The following DYNC1H1 variants were observed in gnomAD, a reference collection of about 807,000 sequenced individuals.
DYNC1H1 encodes the protein cytoplasmic dynein 1 heavy chain 1.
A neutral mutation model predicts 527.1 loss-of-function variants in DYNC1H1; 51 were observed. That is an observed-to-expected ratio of 0.10 (90% confidence interval 0.08 to 0.12). DYNC1H1 has a LOEUF of 0.12. Ranked by LOEUF, DYNC1H1 falls within the 10% of genes least tolerant of loss-of-function variation. The pLI, the probability that DYNC1H1 is intolerant of heterozygous loss-of-function variation, is 1.00. For missense variants in DYNC1H1, 2,771 were observed against 5,971.8 expected, an observed-to-expected ratio of 0.46 and a Z score of 17.66; for synonymous variants, 2,189 against 2,278.8, an observed-to-expected ratio of 0.96 and a Z score of 1.12.
At position 101,979,187 on chromosome 14, in the gene DYNC1H1, C is replaced by T. The variant is rs1219528212; in HGVS notation, c.345-132C>T. The T allele has an allele frequency of 1.1e-6, 1 of 884,574 alleles. No homozygotes were observed. The highest frequency in any genetic ancestry group is 1.7e-6 in the Non-Finnish European group (1 of 575,774). The allele number at this position is 884,574 out of a possible 1,614,324, so 54.8% of individuals were successfully genotyped here. On this transcript the variant is annotated intron_variant, in intron 2 of 77. Transcript: ENST00000360184. The surrounding 1 kb of genome is among the most constrained non-coding windows in gnomAD (Gnocchi z 4.6). ...ACCTTGATTCAGTAGCTCTCATGTA[C>T]TAAAGAAAGACAAGCAGTGCATTTC...
rs545896227 is a variant in DYNC1H1, at chr14:102,020,866, G to A, written c.8507+810G>A. On this transcript the variant is annotated intron_variant, in intron 42 of 77. Coordinates refer to ENST00000360184, the MANE Select transcript of DYNC1H1 (RefSeq NM_001376.5). This position sits in a 1 kb window ranked among gnomAD's most constrained non-coding sequence, Gnocchi z 4.3. Reference sequence around the variant, plus strand: ...ACAAGGAGTCTCAGAATACTGCCTAGTTGTAATCACTGGGTTTCCAACCCG... The same window carrying A: ...ACAAGGAGTCTCAGAATACTGCCTAATTGTAATCACTGGGTTTCCAACCCG... 1.1e-4 allele frequency among the ~76,000 whole-genome samples: 16 copies of A among 152,314 alleles called. No homozygotes were observed. Among genetic ancestry groups the A allele is most frequent in the South Asian group, 8.3e-4 (4 of 4,832 alleles).
At chr14:101,974,135 T>C (rs1244537681) in intron 1 of DYNC1H1, among the ~76,000 whole-genome samples, 1 of 152,196 alleles carries the variant, frequency 6.6e-6, no homozygotes, top group African/African-American at 2.4e-5. Context: ...GTTTCACTCT[T>C]GTTGCCCAGG....
intron 5 of DYNC1H1, among the ~76,000 whole-genome samples, chr14:101,982,422 T>G (rs1319014994): frequency 6.6e-6 from 1 of 151,942 alleles, no homozygotes; most frequent in Non-Finnish European, 1.5e-5. Context: ...TGAAACCCCG[T>G]GTTTGTAAAA....
rs1391698469 is a variant in DYNC1H1, at chr14:102,017,529, T to C, written c.8177+25T>C. 1 of 1,610,934 alleles carries C rather than the reference T, an allele frequency of 6.2e-7. No individual in the cohort carries two copies. The highest frequency in any genetic ancestry group is 1.7e-5 in the Admixed American group (1 of 59,702). On this transcript the variant is annotated intron_variant, in intron 40 of 77. Coordinates refer to ENST00000360184, the MANE Select transcript of DYNC1H1 (RefSeq NM_001376.5). The surrounding 1 kb of genome is among the most constrained non-coding windows in gnomAD (Gnocchi z 4.6). ...GGTAAAACAGCTCGGTAGACTGCTC[T>C]GCTTCACACACGCACAGCTCCAGGA...
At position 102,015,293 on chromosome 14, in the gene DYNC1H1, A is replaced by C. The variant is rs150888094; in HGVS notation, c.7203A>C (p.Lys2401Asn). 356 of 1,614,040 alleles carry C rather than the reference A, an allele frequency of 2.2e-4. 1 individual carries two copies. In the Middle Eastern group the frequency reaches 2.5e-3, roughly 11 times the overall value. Residue 2401 changes from lysine (K) to asparagine (N), a missense_variant, in exon 35 of 78, where the codon AAA (lysine) becomes AAC (asparagine). By Grantham distance (94) the Lys-to-Asn change is moderately conservative. Around this residue, in one of 32 missense-constraint regions of DYNC1H1, gnomAD observed 122 missense variants for 168.4 expected, o/e 0.72. Transcript: ENST00000360184. The surrounding 1 kb of genome is among the most constrained non-coding windows in gnomAD (Gnocchi z 6.9). ...AGGCACAGCGGCGGCGTAAGGGCAA[A>C]GAGGATGAGGGGGAGGAGGCCGCTT... ...EDEAQRRRKG[K>N]EDEGEEAASP...
At position 101,970,421 on chromosome 14, in the gene DYNC1H1, A is replaced by G. The variant is rs1266630885; in HGVS notation, c.257-5291A>G. Among the ~76,000 whole-genome samples, 3 of 144,642 alleles carry G rather than the reference A, an allele frequency of 2.1e-5. No individual in the cohort carries two copies. The East Asian group carries it at 6.1e-4, about 30-fold the overall frequency. 94.9% of individuals were successfully genotyped at this position (144,642 alleles called of 152,430 possible). A position where few individuals can be genotyped will look rare whatever the true frequency, so the allele number is the denominator to read the frequency against. The stretch of plus-strand genomic sequence containing the variant: ...AAAAGGGAGGCCGTGTATAATAGTG[A>G]TTGACCACCAGAATAATAATAATGT... On this transcript the variant is annotated intron_variant, in intron 1 of 77. Coordinates refer to ENST00000360184, the MANE Select transcript of DYNC1H1 (RefSeq NM_001376.5).
chr14:102,000,171 G>A, intron 17 of DYNC1H1, 27 bp downstream of exon 17: 1 of 1,614,116 alleles, frequency 6.2e-7, no homozygotes, highest in South Asian at 1.1e-5. Flanking sequence ...AGTGGGTGGA[G>A]AATCCCGCTC....
chr14:101,979,350 G>T lies in DYNC1H1; in HGVS notation c.376G>T (p.Asp126Tyr). Residue 126 changes from aspartate (D) to tyrosine (Y), a missense_variant, in exon 3 of 78, where the codon GAT (aspartate) becomes TAT (tyrosine). Around this residue, in one of 32 missense-constraint regions of DYNC1H1, gnomAD observed 146 missense variants for 288.1 expected, o/e 0.51. Transcript: ENST00000360184. The surrounding 1 kb of genome is among the most constrained non-coding windows in gnomAD (Gnocchi z 4.6). ...ATTCATTAAACGTACTCCCGTGATT[G>T]ATGCAGATAAACCCGTGTCTTCTCA... Reference protein sequence around the residue: ...LAFIKRTPVIDADKPVSSQLR... With the variant: ...LAFIKRTPVIYADKPVSSQLR... The T allele has an allele frequency of 6.2e-7, 1 of 1,614,086 alleles. No individual in the cohort carries two copies. Among genetic ancestry groups the T allele is most frequent in the Non-Finnish European group, 8.5e-7 (1 of 1,180,014 alleles).
chr14:101,982,020 C>G (rs961033661), intron 5 of DYNC1H1, among the ~76,000 whole-genome samples: 1 of 152,200 alleles, frequency 6.6e-6, no homozygotes, highest in African/African-American at 2.4e-5. Flanking sequence ...CTGTTGGGAA[C>G]CAGGCTGTGC....
chr14:102,032,611 G>A lies in DYNC1H1; in HGVS notation c.10079+144G>A, dbSNP rs182905164. 1,045 of 1,096,418 alleles carry A rather than the reference G, an allele frequency of 9.5e-4. 2 individuals are homozygous for A. The highest frequency in any genetic ancestry group is 2.1e-3 in the Admixed American group (104 of 50,258). 67.9% of individuals were successfully genotyped at this position (1,096,418 alleles called of 1,614,324 possible). ...TCACGGCTCCAATCCCAGAACTTTG[G>A]GAGGCTGAGGCAGGTGAAGTGCTTG... On this transcript the variant is annotated intron_variant, in intron 52 of 77. Transcript: ENST00000360184.
Position 102,005,359 on chromosome 14 carries a change from A to T in DYNC1H1, c.5433+123A>T. 3 of 1,316,730 alleles carry T rather than the reference A, an allele frequency of 2.3e-6. No individual in the cohort carries two copies. Among genetic ancestry groups the T allele is most frequent in the Non-Finnish European group, 3.2e-6 (3 of 923,116 alleles). The allele number at this position is 1,316,730 out of a possible 1,614,324, so 81.6% of individuals were successfully genotyped here. ...TATCAAGGAGAACAGTGGATGGTGT[A>T]TGGATATCCTCTGAGGGTGGGCATT... is the stretch of plus-strand genomic sequence containing the variant. On this transcript the variant is annotated intron_variant, in intron 26 of 77. Coordinates refer to ENST00000360184, the MANE Select transcript of DYNC1H1 (RefSeq NM_001376.5). This position sits in a 1 kb window ranked among gnomAD's most constrained non-coding sequence, Gnocchi z 4.0.
intron 16 of DYNC1H1, among the ~76,000 whole-genome samples, chr14:101,999,743 A>C (rs2141284806): frequency 6.6e-6 from 1 of 152,320 alleles, no homozygotes; most frequent in East Asian, 1.9e-4. Context: ...TGAATAAGAC[A>C]ATGGCTAAAT....
chr14:101,998,879 C>CTTTTTTTTTTGTTTTTTTTT lies in DYNC1H1; in HGVS notation c.3805-1100_3805-1099insGTTTTTTTTTTTTTTTTTTT, dbSNP rs1470140199. Among the ~76,000 whole-genome samples the CTTTTTTTTTTGTTTTTTTTT allele has an allele frequency of 1.4e-3, 167 of 115,204 alleles. 3 individuals carry two copies. The highest frequency in any genetic ancestry group is 6.1e-3 in the African/African-American group (161 of 26,540). The allele number at this position is 115,204 out of a possible 152,430, so 75.6% of individuals were successfully genotyped here. ...TAATGTGTTAGAGTTAAAACTTTTT[C>CTTTTTTTTTTGTTTTTTTTT]TTTTTTTTTTTTTTTTTTTTGAGAC... On this transcript the variant is annotated intron_variant, in intron 16 of 77. Coordinates refer to ENST00000360184, the MANE Select transcript of DYNC1H1 (RefSeq NM_001376.5).
chr14:101,972,650 A>G (rs181186351), intron 1 of DYNC1H1, among the ~76,000 whole-genome samples: 36 of 152,248 alleles, frequency 2.4e-4, no homozygotes, highest in Admixed American at 2.2e-3. Flanking sequence ...CCACATGCTC[A>G]TATGCTGTGT....
chr14:102,018,441 CTG>C lies in DYNC1H1; in HGVS notation c.8178-7_8178-6del, dbSNP rs902295597. ...AGGGAGGGGCGCTGAGCGGGGCTAT[CTG>C]TGCACAGGTTCCTGCGCCACGTGCC... On this transcript the variant is annotated splice_region_variant and splice_polypyrimidine_tract_variant and intron_variant, in intron 40 of 77. Transcript: ENST00000360184. This position sits in a 1 kb window ranked among gnomAD's most constrained non-coding sequence, Gnocchi z 5.2. The C allele has an allele frequency of 7.4e-6, 12 of 1,612,884 alleles. No homozygotes were observed. The highest frequency in any genetic ancestry group is 6.7e-5 in the Admixed American group (4 of 59,996).
rs749628606 is a variant in DYNC1H1, at chr14:102,016,883, G to A, written c.7732G>A (p.Glu2578Lys). 1.2e-6 allele frequency: 2 copies of A among 1,614,218 alleles called. No homozygotes were observed. Among genetic ancestry groups the A allele is most frequent in the Non-Finnish European group, 1.7e-6 (2 of 1,180,048 alleles). The change falls in exon 38 of 78, where the codon GAA becomes AAA. Residue 2578 changes from glutamate to lysine, a missense_variant. Glu to Lys is a moderately conservative substitution (Grantham distance 56). Transcript: ENST00000360184. This position sits in a 1 kb window ranked among gnomAD's most constrained non-coding sequence, Gnocchi z 7.3. ...VVPTLDTVRHEALLYTWLAEH... is the reference protein window; with the variant it reads ...VVPTLDTVRHKALLYTWLAEH... ...GCCAACGCTGGACACAGTCCGCCAC[G>A]AAGCCCTCTTGTACACTTGGCTGGC...
chr14:102,026,951 T>C, intron 44 of DYNC1H1: 1 of 766,100 alleles, frequency 1.3e-6, no homozygotes, highest in Non-Finnish European at 2.2e-6. Context: ...TTTGACCTTC[T>C]GCTGGAATTG....
At chr14:101,984,887 C>T (rs544364358) in intron 7 of DYNC1H1, among the ~76,000 whole-genome samples, 3 of 141,410 alleles carry the variant, frequency 2.1e-5, no homozygotes, top group African/African-American at 2.7e-5. Flanking sequence ...GAGCCGAGAT[C>T]GCGCCACTGC....
intron 23 of DYNC1H1, among the ~76,000 whole-genome samples, chr14:102,003,980 G>A (rs1370056010): frequency 2.6e-5 from 4 of 151,358 alleles, no homozygotes; most frequent in Non-Finnish European, 5.9e-5. Flanking sequence ...GGTGGCTCAC[G>A]CCTGTAATCC....
Sources: allele counts gnomAD v4.1 joint callset (sites outside exome capture counted in the v4.1 genomes callset), GRCh38; gene constraint gnomAD v4.1.1; regional missense constraint gnomAD v4.1.1; non-coding constraint Gnocchi (gnomAD v3.1); transcripts MANE v1.5; gene names NCBI Gene and HGNC (gene_info 2026-07-23, HGNC 2026-07-21).